LARP4: variants seen among roughly 807,000 people sequenced by gnomAD.
LARP4 encodes La ribonucleoprotein 4.
A neutral mutation model predicts 92.9 loss-of-function variants in LARP4; 29 were observed. The ratio of observed to expected loss-of-function variants is 0.31; its 90% CI spans 0.23 to 0.43. The LOEUF is 0.43. Among genes scored for constraint, LARP4 ranks in the 20% least tolerant of loss-of-function variants. LARP4 has a pLI of 1.00. For synonymous variants in LARP4, 279 were observed against 284.1 expected, an observed-to-expected ratio of 0.98 and a Z score of 0.18; for missense variants, 732 against 860.0, an observed-to-expected ratio of 0.85 and a Z score of 1.86.
intron 1 of LARP4, among the ~76,000 whole-genome samples, chr12:50,422,895 G>T (rs1035298947): frequency 6.6e-6 from 1 of 150,838 alleles, no homozygotes; most frequent in East Asian, 2.0e-4. Context: ...TTGGCTCACC[G>T]CAACCTCTGA....
chr12:50,439,644 A>C (rs1304434862), intron 6 of LARP4, among the ~76,000 whole-genome samples: 1 of 151,976 alleles, frequency 6.6e-6, no homozygotes, highest in Non-Finnish European at 1.5e-5. Context: ...CAATTCCCCT[A>C]CTTCAATCTC....
At chr12:50,445,612 C>T (rs551507073) in intron 8 of LARP4, among the ~76,000 whole-genome samples, 1 of 151,978 alleles carries the variant, frequency 6.6e-6, no homozygotes, top group Non-Finnish European at 1.5e-5. Context: ...CATTTTTCTT[C>T]AACCTATTTT....
chr12:50,428,037 C>T (rs1300669915), intron 2 of LARP4, 128 bp downstream of exon 2: 2 of 611,882 alleles, frequency 3.3e-6, no homozygotes, highest in Non-Finnish European at 5.1e-6. Context: ...CCTCTGTCAC[C>T]CAGGCTGGAG....
chr12:50,419,869 C>T (rs373470790), intron 1 of LARP4, among the ~76,000 whole-genome samples: 10 of 152,226 alleles, frequency 6.6e-5, no homozygotes, highest in East Asian at 3.9e-4. Context: ...CACGCCCCTG[C>T]GCTCCACCCT....
Position 50,474,054 on chromosome 12 carries a change from C to T in LARP4, c.1723C>T (p.Leu575Phe). 5.0e-6 allele frequency: 8 copies of T among 1,612,362 alleles called. No homozygotes were observed. Among genetic ancestry groups the T allele is most frequent in the Non-Finnish European group, 6.8e-6 (8 of 1,179,808 alleles). ...AGATTCCTCTGTTCAGAAGGATGGT[C>T]TCAATCAGACAACTATACCAGTTTC... ...IEDSSVQKDG[L>F]NQTTIPVSPP... is the part of the protein sequence containing the mutation. Residue 575 changes from leucine to phenylalanine, a missense_variant, in exon 15 of 16, where the codon CTC becomes TTC. Physicochemically the swap from Leu to Phe is conservative, Grantham distance 22. Coordinates refer to ENST00000398473, the MANE Select transcript of LARP4 (RefSeq NM_052879.5).
intron 1 of LARP4, among the ~76,000 whole-genome samples, chr12:50,413,067 C>T (rs1447893540): frequency 2.6e-5 from 4 of 151,760 alleles, no homozygotes; most frequent in Admixed American, 2.0e-4. Flanking sequence ...ACTAAAAATA[C>T]AAAAAATTAG....
At chr12:50,445,621 TTTGTTG>T (rs973401160) in intron 8 of LARP4, among the ~76,000 whole-genome samples, 27 of 152,226 alleles carry the variant, frequency 1.8e-4, no homozygotes, top group African/African-American at 6.5e-4. Context: ...TCAACCTATT[TTTGTTG>T]TTGTTGTTGT....
Position 50,467,081 on chromosome 12 carries a change from T to C in LARP4, c.1506T>C (p.Asn502=). 6.2e-7 allele frequency: 1 copy of C among 1,613,366 alleles called. No individual in the cohort carries two copies. Among genetic ancestry groups the C allele is most frequent in the Non-Finnish European group, 8.5e-7 (1 of 1,179,420 alleles). Residue 502 remains asparagine, a synonymous_variant, in exon 13 of 16, where the codon AAT becomes AAC. Coordinates refer to ENST00000398473, the MANE Select transcript of LARP4 (RefSeq NM_052879.5). The stretch of plus-strand genomic sequence containing the variant: ...TGCCAGGTGAACTCGTTTTGGAGAA[T>C]AGGATGTCTGATGTTGTTAAAGGTG... ...SRMPGELVLE[N]RMSDVVKGVY...
chr12:50,471,619 G>A (rs1362265569), intron 13 of LARP4, among the ~76,000 whole-genome samples: 6 of 152,160 alleles, frequency 3.9e-5, no homozygotes, highest in Non-Finnish European at 2.9e-5. Context: ...CACTGCCAGG[G>A]TTCAAGCGAT....
chr12:50,410,655 C>T (rs1035932399), intron 1 of LARP4, among the ~76,000 whole-genome samples: 2 of 151,708 alleles, frequency 1.3e-5, no homozygotes, highest in Non-Finnish European at 2.9e-5. Flanking sequence ...CCGCCCTCCT[C>T]AGCCTCCCAA....
chr12:50,467,454 C>G (rs1956294312), intron 13 of LARP4, among the ~76,000 whole-genome samples: 1 of 151,996 alleles, frequency 6.6e-6, no homozygotes, highest in South Asian at 2.1e-4. Flanking sequence ...CCATGCCCAG[C>G]TAACTTTTGT....
intron 1 of LARP4, among the ~76,000 whole-genome samples, chr12:50,410,829 C>T (rs1399002756): frequency 2.0e-5 from 3 of 152,100 alleles, no homozygotes; most frequent in African/African-American, 7.2e-5. Flanking sequence ...TGCCACTAAT[C>T]GATGGTGGCG....
Position 50,474,070 on chromosome 12 carries a change from T to C in LARP4, c.1739T>C (p.Ile580Thr). 6.2e-7 allele frequency: 1 copy of C among 1,612,208 alleles called. No individual in the cohort carries two copies. The highest frequency in any genetic ancestry group is 8.5e-7 in the Non-Finnish European group (1 of 1,179,434). Residue 580 changes from isoleucine (I) to threonine (T), a missense_variant, in exon 15 of 16, where the codon ATA (isoleucine) becomes ACA (threonine). Physicochemically the swap from Ile to Thr is moderately conservative, Grantham distance 89 (BLOSUM62 -1). Transcript: ENST00000398473. ...AAGGATGGTCTCAATCAGACAACTA[T>C]ACCAGTTTCTCCTCCAAGTACTACA... ...VQKDGLNQTT[I>T]PVSPPSTTKP... is the part of the protein sequence containing the mutation.
At chr12:50,426,681 T>TGGGGGGGGG (rs200197282) in intron 1 of LARP4, among the ~76,000 whole-genome samples, 1 of 109,364 alleles carries the variant, frequency 9.1e-6, no homozygotes, top group East Asian at 2.7e-4. Context: ...GCATTATGTT[T>TGGGGGGGGG]GGGGTGTGTG....
rs1234274330 is a variant in LARP4 at position 50,476,090 on chromosome 12, A to G, written c.*226A>G. 1.3e-5 allele frequency: 3 copies of G among 226,552 alleles called. No homozygotes were observed. Among genetic ancestry groups the G allele is most frequent in the Non-Finnish European group, 1.7e-5 (2 of 115,878 alleles). The allele number at this position is 226,552 out of a possible 1,614,324, so 14.0% of individuals were successfully genotyped here. On this transcript the variant is annotated 3_prime_UTR_variant, in exon 16 of 16. Transcript: ENST00000398473. ...AATCAATATAAATATATATATATATATACACACACATATATAAAAAGTATA... is the reference window on the plus strand; with the variant it reads ...AATCAATATAAATATATATATATATGTACACACACATATATAAAAAGTATA...
In LARP4 at chr12:50,461,463, TTAAA is replaced by T. The variant is rs556438074; in HGVS notation, c.1334+123_1334+126del. ...ATTTAATTATTGGTATATGGTTATA[TTAAA>T]TAAATACGTTATTTTCAGAACATGA... is the stretch of plus-strand genomic sequence containing the variant. On this transcript the variant is annotated intron_variant, in intron 11 of 15. Coordinates refer to ENST00000398473, the MANE Select transcript of LARP4 (RefSeq NM_052879.5). 1.2e-3 allele frequency: 1,258 copies of T among 1,034,946 alleles called. 1 individual carries two copies. Among genetic ancestry groups the T allele is most frequent in the Admixed American group, 2.6e-3 (93 of 35,946 alleles). The allele number at this position is 1,034,946 out of a possible 1,614,324, so 64.1% of individuals were successfully genotyped here. A position where few individuals can be genotyped will look rare whatever the true frequency, so the allele number is the denominator to read the frequency against.
Position 50,438,006 on chromosome 12 carries a change from A to C in LARP4, c.639+168A>C, listed in dbSNP as rs370391101. On this transcript the variant is annotated intron_variant, in intron 6 of 15. Transcript: ENST00000398473. ...AGGTTAAATACTAATTTGTTTCATT[A>C]ATTCTGAAGTACTAGGATGGTATAG... 7.2e-5 allele frequency among the ~76,000 whole-genome samples: 11 copies of C among 152,364 alleles called. No homozygotes were observed. In the East Asian group the frequency reaches 1.9e-3, roughly 27 times the overall value.
chr12:50,452,356 GT>G (rs1174547727), intron 8 of LARP4, among the ~76,000 whole-genome samples: 1 of 151,840 alleles, frequency 6.6e-6, no homozygotes, highest in East Asian at 1.9e-4. Flanking sequence ...TGATTTTTGT[GT>G]TTTTGGTAGA....
In LARP4 at chr12:50,473,399, A is replaced by G; in HGVS notation, c.1546-16A>G. ...AAAGGTCTAAGTGTAATTTTGAAAA[A>G]TCTTTTTACTTTAAGGATAATGAAG... On this transcript the variant is annotated splice_polypyrimidine_tract_variant and intron_variant, in intron 13 of 15. Coordinates refer to ENST00000398473, the MANE Select transcript of LARP4 (RefSeq NM_052879.5). 1.2e-6 allele frequency: 2 copies of G among 1,607,640 alleles called. No homozygotes were observed. The highest frequency in any genetic ancestry group is 1.7e-6 in the Non-Finnish European group (2 of 1,175,042).
Sources: gnomAD v4.1 joint callset for allele counts (sites outside exome capture counted in the v4.1 genomes callset) on GRCh38, gnomAD v4.1.1 for gene constraint, MANE v1.5 for transcripts, NCBI Gene and HGNC (gene_info 2026-07-23, HGNC 2026-07-21) for gene names.